Variants in SLC66A3 observed in about 807,000 individuals in gnomAD.
SLC66A3 encodes the protein PQ loop repeat containing 3.
In SLC66A3, 23 loss-of-function variants were observed where a neutral mutation model predicts 25.5. That is an observed-to-expected ratio of 0.90 (90% CI 0.65 to 1.28). The LOEUF (loss-of-function observed/expected upper bound fraction) is 1.28, where lower values mean the gene tolerates loss of function less well. SLC66A3 is among the 50% of genes most tolerant of loss of function. The pLI is 0.00. For synonymous variants in SLC66A3, 108 were observed against 112.6 expected (o/e 0.96, Z 0.26); for missense variants, 246 against 262.1 (o/e 0.94, Z 0.42).
At chr2:11,168,999 A>G (rs1295620984) in intron 4 of SLC66A3, among the ~76,000 whole-genome samples, 1 of 151,998 alleles carries the variant, frequency 6.6e-6, no homozygotes, top group African/African-American at 2.4e-5. Context: ...CTGGGACCAC[A>G]GGCACACGCC....
chr2:11,167,187 G>C (rs1322746123), intron 4 of SLC66A3, among the ~76,000 whole-genome samples: 4 of 152,206 alleles, frequency 2.6e-5, no homozygotes, highest in African/African-American at 9.7e-5. Flanking sequence ...GCTCATGCCT[G>C]TTATCCCAGA....
intron 6 of SLC66A3, among the ~76,000 whole-genome samples, chr2:11,176,127 T>TA (rs1462631338): frequency 1.3e-5 from 2 of 152,186 alleles, no homozygotes; most frequent in Non-Finnish European, 2.9e-5. Context: ...CATTAGAAAT[T>TA]AAAAGATCAA....
chr2:11,162,362 A>G (rs1213175803), intron 3 of SLC66A3, among the ~76,000 whole-genome samples: 1 of 152,198 alleles, frequency 6.6e-6, no homozygotes, highest in Non-Finnish European at 1.5e-5. Flanking sequence ...GTTTTGGTAA[A>G]CAGTACTTTG....
intron 4 of SLC66A3, among the ~76,000 whole-genome samples, chr2:11,169,808 C>T (rs1023875569): frequency 8.1e-5 from 12 of 148,726 alleles, no homozygotes; most frequent in African/African-American, 3.0e-4. Context: ...CCAGAAACAC[C>T]GGAGATTAGA....
At position 11,160,560 on chromosome 2, in the gene SLC66A3, T is replaced by A; in HGVS notation, c.226+12T>A. The A allele has an allele frequency of 6.2e-7, 1 of 1,614,130 alleles. No individual in the cohort carries two copies. The highest frequency in any genetic ancestry group is 1.1e-5 in the South Asian group (1 of 91,084). On this transcript the variant is annotated intron_variant, in intron 2 of 6. Transcript: ENST00000295083. ...CCTCATCGCGCAAGGTAACAGCCCC[T>A]TCCCTGTCCAGCGGACTGCCACGGG...
At chr2:11,160,848 A>G (rs1431955857) in intron 3 of SLC66A3, 154 bp downstream of exon 3, 2 of 1,249,950 alleles carry the variant, frequency 1.6e-6, no homozygotes, top group Non-Finnish European at 2.2e-6. Context: ...GTCCATGTAC[A>G]CCAGAGATGC....
intron 1 of SLC66A3, among the ~76,000 whole-genome samples, chr2:11,157,113 A>T (rs1421993750): frequency 1.3e-5 from 2 of 152,144 alleles, no homozygotes; most frequent in Admixed American, 6.5e-5. Context: ...CTGCATTTCC[A>T]CCACTTTTGC....
chr2:11,160,280 C>T (rs2147983846), intron 1 of SLC66A3, 186 bp from the exon 2 acceptor site: 3 of 631,450 alleles, frequency 4.8e-6, no homozygotes, highest in Non-Finnish European at 8.5e-6. Context: ...CTGGATGCTC[C>T]AAAAATTGTA....
Position 11,175,065 on chromosome 2 carries a change from T to G in SLC66A3, c.517+56T>G, listed in dbSNP as rs1460283111. The G allele has an allele frequency of 2.2e-6, 3 of 1,356,182 alleles. No individual in the cohort carries two copies. In the African/African-American group the frequency reaches 4.3e-5, roughly 20 times the overall value. 84.0% of individuals were successfully genotyped at this position (1,356,182 alleles called of 1,614,324 possible). ...GAGTTTTGTGCTATTTGTGTCTCCT[T>G]CATTTGTAAACTGTCTTAGGGTTTA... On this transcript the variant is annotated intron_variant, in intron 6 of 6. Coordinates refer to ENST00000295083, the MANE Select transcript of SLC66A3 (RefSeq NM_152391.5).
intron 6 of SLC66A3, among the ~76,000 whole-genome samples, chr2:11,176,950 A>T (rs1210994102): frequency 6.6e-6 from 1 of 152,228 alleles, no homozygotes; most frequent in African/African-American, 2.4e-5. Context: ...AGTAGAAGTT[A>T]AGTCACTGTT....
chr2:11,162,073 C>T (rs1006704071), intron 3 of SLC66A3, among the ~76,000 whole-genome samples: 7 of 152,196 alleles, frequency 4.6e-5, no homozygotes, highest in East Asian at 1.9e-4. Flanking sequence ...CCATCTGTGA[C>T]ATGGGATCAT....
intron 1 of SLC66A3, among the ~76,000 whole-genome samples, chr2:11,159,238 G>A (rs1295866164): frequency 2.0e-5 from 3 of 152,286 alleles, no homozygotes; most frequent in Middle Eastern, 6.8e-3. Flanking sequence ...CTGGGGTGCA[G>A]CCTCCCCCTC....
intron 4 of SLC66A3, among the ~76,000 whole-genome samples, chr2:11,170,747 C>A (rs1274960099): frequency 6.6e-6 from 1 of 151,974 alleles, no homozygotes; most frequent in African/African-American, 2.4e-5. Context: ...CGCCACTACA[C>A]CCAGCTAATT....
intron 2 of SLC66A3, 32 bp from the exon 3 acceptor site, chr2:11,160,592 CT>C: frequency 6.2e-7 from 1 of 1,614,188 alleles, no homozygotes; most frequent in Non-Finnish European, 8.5e-7. Flanking sequence ...CGGGTCTCCC[CT>C]TCCCCCCTCA....
chr2:11,162,195 C>T (rs1662151670), intron 3 of SLC66A3, among the ~76,000 whole-genome samples: 1 of 152,186 alleles, frequency 6.6e-6, no homozygotes. Flanking sequence ...GCTCTGCAGC[C>T]TGTGTCTATG....
chr2:11,161,730 A>T (rs893915353), intron 3 of SLC66A3, among the ~76,000 whole-genome samples: 4 of 152,210 alleles, frequency 2.6e-5, no homozygotes, highest in African/African-American at 7.2e-5. Flanking sequence ...TATGTTACCC[A>T]GACTAGTCTT....
At position 11,172,023 on chromosome 2, in the gene SLC66A3, CCT is replaced by C; in HGVS notation, c.458_459del (p.Ser153PhefsTer17). Reference sequence around the variant, plus strand: ...GAACTGTGAGTGCGCTGACTTGGAGCCTCTCTTCCTATACCTGTGCAAGTAAG... The same window carrying C: ...GAACTGTGAGTGCGCTGACTTGGAGCCTCTTCCTATACCTGTGCAAGTAAG... ...SGTVSALTWS[L>X]SSYTCATRII... is the part of the protein sequence containing the mutation. On this transcript the variant is annotated frameshift_variant, in exon 5 of 7. Transcript: ENST00000295083. LOFTEE classifies it high-confidence loss of function. 6.2e-7 allele frequency: 1 copy of C among 1,614,000 alleles called. No individual in the cohort carries two copies. Among genetic ancestry groups the C allele is most frequent in the South Asian group, 1.1e-5 (1 of 91,080 alleles).
chr2:11,164,863 T>C lies in SLC66A3; in HGVS notation c.354+602T>C, dbSNP rs370814041. Reference sequence around the variant, plus strand: ...GAGCACTGGGTTGGGGGTAAGGTTATAGATCAACAGCATCCCAAGGCAGAA... The same window carrying C: ...GAGCACTGGGTTGGGGGTAAGGTTACAGATCAACAGCATCCCAAGGCAGAA... On this transcript the variant is annotated intron_variant, in intron 4 of 6. Transcript: ENST00000295083. 1.6e-3 allele frequency among the ~76,000 whole-genome samples: 247 copies of C among 152,346 alleles called. 9 individuals are homozygous for C. The South Asian group carries it at 0.039, about 24-fold the overall frequency.
In SLC66A3 at chr2:11,177,951, G is replaced by T; in HGVS notation, c.*123G>T. 3 of 637,430 alleles carry T rather than the reference G, an allele frequency of 4.7e-6. No homozygotes were observed. Among genetic ancestry groups the T allele is most frequent in the Non-Finnish European group, 5.3e-6 (2 of 378,174 alleles). The allele number at this position is 637,430 out of a possible 1,614,324, so 39.5% of individuals were successfully genotyped here. A position where few individuals can be genotyped will look rare whatever the true frequency, so the allele number is the denominator to read the frequency against. The stretch of plus-strand genomic sequence containing the variant: ...TCAGTTTATAATCTTTAAAGCCAAA[G>T]GTTTTTTTAGACTTGAAAGAAAGAG... On this transcript the variant is annotated 3_prime_UTR_variant, in exon 7 of 7. Coordinates refer to ENST00000295083, the MANE Select transcript of SLC66A3 (RefSeq NM_152391.5).
Sources: allele counts gnomAD v4.1 joint callset (sites outside exome capture counted in the v4.1 genomes callset), GRCh38; gene constraint gnomAD v4.1.1; transcripts MANE v1.5; gene names NCBI Gene and HGNC (gene_info 2026-07-23, HGNC 2026-07-21).